CERS6: variants seen among roughly 807,000 people sequenced by gnomAD.
The protein encoded by CERS6 is ceramide synthase 6, also known as LAG1 homolog, ceramide synthase 6.
In CERS6, 26 loss-of-function variants were observed where a neutral mutation model predicts 56.8. That is an observed-to-expected ratio of 0.46 (90% CI 0.34 to 0.63). The LOEUF (loss-of-function observed/expected upper bound fraction) is 0.63. CERS6 is among the 30% of genes least tolerant of loss of function. CERS6 has a pLI of 0.01. For missense variants in CERS6, 415 were observed against 467.5 expected (o/e 0.89, Z 1.04); for synonymous variants, 164 against 173.3 (o/e 0.95, Z 0.42).
intron 4 of CERS6, among the ~76,000 whole-genome samples, chr2:168,663,616 T>C (rs970859642): frequency 4.6e-5 from 7 of 152,212 alleles, no homozygotes; most frequent in Admixed American, 4.6e-4. Context: ...ATTTCTTTAC[T>C]ATCATTCATA....
At chr2:168,490,118 G>A (rs1694343624) in intron 1 of CERS6, among the ~76,000 whole-genome samples, 1 of 149,722 alleles carries the variant, frequency 6.7e-6, no homozygotes, top group Non-Finnish European at 1.5e-5. Flanking sequence ...GTGCCTCTCA[G>A]GGGCAGTGGT....
At chr2:168,588,463 A>G (rs1574083706) in intron 3 of CERS6, among the ~76,000 whole-genome samples, 2 of 152,134 alleles carry the variant, frequency 1.3e-5, no homozygotes, top group Admixed American at 1.3e-4. Context: ...CTTTGTTTCT[A>G]TGAATTTAAT....
chr2:168,489,463 C>A (rs976742699), intron 1 of CERS6, among the ~76,000 whole-genome samples: 1 of 146,512 alleles, frequency 6.8e-6, no homozygotes, highest in African/African-American at 2.5e-5. Flanking sequence ...CAAATAGTTT[C>A]TCCACCAATT....
At chr2:168,645,112 A>ATATATAT (rs1421470329) in intron 4 of CERS6, among the ~76,000 whole-genome samples, 22 of 47,716 alleles carry the variant, frequency 4.6e-4, no homozygotes, top group Non-Finnish European at 6.9e-4. Flanking sequence ...AAAAAAAAAA[A>ATATATAT]AAAAATATAT....
intron 3 of CERS6, among the ~76,000 whole-genome samples, chr2:168,617,254 A>C (rs1427621856): frequency 1.3e-5 from 2 of 152,198 alleles, no homozygotes; most frequent in African/African-American, 4.8e-5. Context: ...GAAGGTTCAT[A>C]GCCCTAAATG....
At chr2:168,768,240 T>C (rs1684770855) in intron 9 of CERS6, among the ~76,000 whole-genome samples, 1 of 146,138 alleles carries the variant, frequency 6.8e-6, no homozygotes, top group African/African-American at 2.5e-5. Flanking sequence ...TTTTGTTTTG[T>C]TTTTTTTTTT....
Position 168,770,608 on chromosome 2 carries a change from A to C in CERS6, c.*946A>C, listed in dbSNP as rs1389842869. 6.6e-6 allele frequency: 1 copy of C among 152,554 alleles called. No individual in the cohort carries two copies. Among genetic ancestry groups the C allele is most frequent in the Non-Finnish European group, 1.5e-5 (1 of 68,058 alleles). 9.5% of individuals were successfully genotyped at this position (152,554 alleles called of 1,614,324 possible). On this transcript the variant is annotated 3_prime_UTR_variant, in exon 10 of 10. Transcript: ENST00000305747. ...ATGTTATAAAAGAAAGAAGTTAACT[A>C]TATTTGGGGACAAAAAAATATTTCA...
At chr2:168,601,537 G>A (rs1361873460) in intron 3 of CERS6, among the ~76,000 whole-genome samples, 1 of 151,660 alleles carries the variant, frequency 6.6e-6, no homozygotes, top group South Asian at 2.1e-4. Flanking sequence ...TCAGGTGGAC[G>A]CCAGTTTCTT....
At chr2:168,644,393 GA>G in intron 4 of CERS6, 1 of 981,062 alleles carries the variant, frequency 1.0e-6, no homozygotes, top group Non-Finnish European at 1.2e-6. Flanking sequence ...TGAGAATGAT[GA>G]GAGGCAAGTG....
intron 1 of CERS6, among the ~76,000 whole-genome samples, chr2:168,504,217 T>A (rs1694635526): frequency 6.6e-6 from 1 of 152,090 alleles, no homozygotes; most frequent in Non-Finnish European, 1.5e-5. Context: ...AAGACCAGCC[T>A]GGGAAACACA....
At chr2:168,534,047 G>A (rs1695213950) in intron 1 of CERS6, among the ~76,000 whole-genome samples, 1 of 151,984 alleles carries the variant, frequency 6.6e-6, no homozygotes, top group African/African-American at 2.4e-5. Flanking sequence ...AAGTTCTCGT[G>A]CTGTGTTTTT....
intron 1 of CERS6, among the ~76,000 whole-genome samples, chr2:168,472,340 G>A (rs1471050901): frequency 1.3e-5 from 2 of 152,120 alleles, no homozygotes; most frequent in Non-Finnish European, 2.9e-5. Flanking sequence ...AACATTACTG[G>A]TACCCCAGAA....
intron 3 of CERS6, among the ~76,000 whole-genome samples, chr2:168,576,251 A>G (rs963345131): frequency 6.6e-6 from 1 of 152,156 alleles, no homozygotes; most frequent in African/African-American, 2.4e-5. Context: ...GCAACAGCCC[A>G]ATGCTCTTGC....
At chr2:168,517,988 T>A (rs921584319) in intron 1 of CERS6, among the ~76,000 whole-genome samples, 2 of 152,192 alleles carry the variant, frequency 1.3e-5, no homozygotes, top group African/African-American at 4.8e-5. Flanking sequence ...AGAGCAGAGA[T>A]TTTTCTCATG....
At chr2:168,574,121 G>A (rs1683188277) in intron 3 of CERS6, among the ~76,000 whole-genome samples, 1 of 151,930 alleles carries the variant, frequency 6.6e-6, no homozygotes, top group Non-Finnish European at 1.5e-5. Flanking sequence ...ATTTTAGTCG[G>A]GGAAATGTGT....
chr2:168,733,660 A>T (rs977644047), intron 8 of CERS6, among the ~76,000 whole-genome samples: 1 of 152,170 alleles, frequency 6.6e-6, no homozygotes, highest in Non-Finnish European at 1.5e-5. Context: ...AAGCAGCTCA[A>T]CTCCAGCACA....
Position 168,573,386 on chromosome 2 carries a change from A to G in CERS6, c.407+12064A>G, listed in dbSNP as rs562873788. ...AATCAACAAATCTAAGAATTGGTCA[A>G]TGTAGAGAGCTTCTTGTGAATAAAT... is the stretch of plus-strand genomic sequence containing the variant. On this transcript the variant is annotated intron_variant, in intron 3 of 9. Coordinates refer to ENST00000305747, the MANE Select transcript of CERS6 (RefSeq NM_203463.3). Among the ~76,000 whole-genome samples, 5 of 152,322 alleles carry G rather than the reference A, an allele frequency of 3.3e-5. No individual in the cohort carries two copies. The South Asian group carries it at 1.0e-3, about 32-fold the overall frequency.
chr2:168,634,734 C>T (rs889929602), intron 4 of CERS6, among the ~76,000 whole-genome samples: 2 of 152,134 alleles, frequency 1.3e-5, no homozygotes, highest in African/African-American at 4.8e-5. Flanking sequence ...TTTTGTATCA[C>T]AATTCATTTC....
intron 8 of CERS6, among the ~76,000 whole-genome samples, chr2:168,740,079 CA>C (rs899761597): frequency 3.3e-5 from 5 of 150,374 alleles, no homozygotes; most frequent in African/African-American, 4.9e-5. Flanking sequence ...TTCAGTATGG[CA>C]AAAAAAAGAG....
Sources: gnomAD v4.1 joint callset for allele counts (sites outside exome capture counted in the v4.1 genomes callset) on GRCh38, gnomAD v4.1.1 for gene constraint, MANE v1.5 for transcripts, NCBI Gene and HGNC (gene_info 2026-07-23, HGNC 2026-07-21) for gene names.